MAP4K3: variants seen among roughly 807,000 people sequenced by gnomAD.
The protein encoded by MAP4K3 is mitogen-activated protein kinase kinase kinase kinase 3, also known as MAPK/ERK kinase kinase kinase 3.
A neutral mutation model predicts 143.5 loss-of-function variants in MAP4K3; 94 were observed. That is an observed-to-expected ratio of 0.65 (90% CI 0.55 to 0.78). The LOEUF (loss-of-function observed/expected upper bound fraction) is 0.78, where lower values mean the gene tolerates loss of function less well. MAP4K3 is among the 30% of genes least tolerant of loss of function. MAP4K3 has a pLI of 0.00. For synonymous variants in MAP4K3, 416 were observed against 347.2 expected (o/e 1.20, Z -2.20); for missense variants, 1,077 against 1,068.1 (o/e 1.01, Z -0.12).
At chr2:39,289,168 G>A (rs17023600) in intron 19 of MAP4K3, among the ~76,000 whole-genome samples, 6,034 of 152,278 alleles carry the variant, frequency 0.04, 142 homozygotes, top group South Asian at 0.054. Flanking sequence ...ACAGTTGGCT[G>A]ACGGTTTGTA....
intron 2 of MAP4K3, among the ~76,000 whole-genome samples, chr2:39,376,700 T>TGTC (rs1666227686): frequency 6.6e-6 from 1 of 152,198 alleles, no homozygotes; most frequent in Non-Finnish European, 1.5e-5. Context: ...TCATCTTAAT[T>TGTC]AGACCCAGGG....
chr2:39,319,521 A>ACCAAT (rs1213778098), intron 12 of MAP4K3, among the ~76,000 whole-genome samples: 3 of 152,124 alleles, frequency 2.0e-5, no homozygotes, highest in Non-Finnish European at 4.4e-5. Flanking sequence ...GAGTCCTGGA[A>ACCAAT]CCAATCCCCC....
chr2:39,391,325 C>T (rs1434717957), intron 1 of MAP4K3, among the ~76,000 whole-genome samples: 1 of 115,492 alleles, frequency 8.7e-6, no homozygotes, highest in Non-Finnish European at 1.6e-5. Context: ...TGCCACTGCA[C>T]TCTGGCCTGA....
Position 39,292,769 on chromosome 2 carries a change from T to G in MAP4K3, c.1271+4A>C. 6.2e-7 allele frequency: 1 copy of G among 1,612,454 alleles called. No individual in the cohort carries two copies. The highest frequency in any genetic ancestry group is 8.5e-7 in the Non-Finnish European group (1 of 1,178,666). On this transcript the variant is annotated splice_donor_region_variant and intron_variant, in intron 18 of 33. Transcript: ENST00000263881. ...TTTTTACCAAAAACAGAGACAGAAC[T>G]TACTGTTTAGATTCATCATCATCTC...
intron 15 of MAP4K3, among the ~76,000 whole-genome samples, chr2:39,305,305 CT>C (rs1181625969): frequency 6.6e-6 from 1 of 152,094 alleles, no homozygotes; most frequent in Non-Finnish European, 1.5e-5. Flanking sequence ...CCCAGTATTA[CT>C]TTAAAAATAT....
intron 1 of MAP4K3, among the ~76,000 whole-genome samples, chr2:39,386,131 A>C (rs2148590087): frequency 6.6e-6 from 1 of 152,338 alleles, no homozygotes. Context: ...GTTGGCCCTA[A>C]TCCAACAAGA....
intron 7 of MAP4K3, among the ~76,000 whole-genome samples, chr2:39,332,965 T>C (rs1181489275): frequency 6.6e-6 from 1 of 152,118 alleles, no homozygotes; most frequent in Non-Finnish European, 1.5e-5. Context: ...TATGACTTTG[T>C]TCATAAAACT....
intron 1 of MAP4K3, among the ~76,000 whole-genome samples, chr2:39,413,794 T>A (rs1667295987): frequency 1.3e-5 from 2 of 151,764 alleles, no homozygotes; most frequent in Non-Finnish European, 2.9e-5. Flanking sequence ...ACCTTGTAGG[T>A]GCTAAGAACC....
At chr2:39,271,602 AAAACACTG>A (rs760514404) in intron 26 of MAP4K3, among the ~76,000 whole-genome samples, 105 of 152,196 alleles carry the variant, frequency 6.9e-4, no homozygotes, top group Admixed American at 1.2e-3. Context: ...CTTCTAATGC[AAAACACTG>A]AGACACGGTC....
At chr2:39,307,856 C>G in intron 15 of MAP4K3, 87 bp downstream of exon 15, 3 of 1,023,768 alleles carry the variant, frequency 2.9e-6, no homozygotes, top group Non-Finnish European at 4.1e-6. Context: ...TAAAACAATG[C>G]TTTAATTGGA....
intron 27 of MAP4K3, 126 bp downstream of exon 27, chr2:39,267,063 G>A: frequency 2.4e-6 from 2 of 835,476 alleles, no homozygotes; most frequent in Non-Finnish European, 4.0e-6. Context: ...AAACAGCCAA[G>A]AAATTTGTTC....
chr2:39,286,586 AAAG>A (rs759828947), intron 21 of MAP4K3, among the ~76,000 whole-genome samples: 22 of 152,378 alleles, frequency 1.4e-4, no homozygotes, highest in African/African-American at 2.6e-4. Flanking sequence ...TTATCTGTAT[AAAG>A]AAGATGTTTT....
At chr2:39,252,805 G>A (rs1201099664) in intron 32 of MAP4K3, among the ~76,000 whole-genome samples, 1 of 152,154 alleles carries the variant, frequency 6.6e-6, no homozygotes, top group Non-Finnish European at 1.5e-5. Context: ...ATACCTGCAG[G>A]AAACAACATG....
At chr2:39,259,083 C>A (rs1256987740) in intron 29 of MAP4K3, among the ~76,000 whole-genome samples, 2 of 149,202 alleles carry the variant, frequency 1.3e-5, no homozygotes, top group South Asian at 2.1e-4. Flanking sequence ...GCCTTGAAAT[C>A]CTGGCCTCAA....
intron 1 of MAP4K3, among the ~76,000 whole-genome samples, chr2:39,389,051 A>C (rs1322739316): frequency 6.6e-6 from 1 of 152,250 alleles, no homozygotes; most frequent in African/African-American, 2.4e-5. Context: ...GTACGCTTTA[A>C]AAGTTTAAAG....
chr2:39,425,931 T>C (rs1318638981), intron 1 of MAP4K3, among the ~76,000 whole-genome samples: 2 of 152,218 alleles, frequency 1.3e-5, no homozygotes, highest in African/African-American at 2.4e-5. Context: ...TAGTAATAAT[T>C]CAAGTAGAAA....
intron 1 of MAP4K3, among the ~76,000 whole-genome samples, chr2:39,423,542 T>TA (rs1664958876): frequency 6.6e-6 from 1 of 152,196 alleles, no homozygotes; most frequent in Non-Finnish European, 1.5e-5. Context: ...GGTGAATGAA[T>TA]AAACTGTGGT....
intron 3 of MAP4K3, among the ~76,000 whole-genome samples, chr2:39,352,044 G>A (rs1431316526): frequency 2.0e-5 from 3 of 152,142 alleles, no homozygotes; most frequent in African/African-American, 7.2e-5. Context: ...ATTGTTTAAG[G>A]AGCATTTGTT....
chr2:39,272,767 A>G (rs746723186), intron 24 of MAP4K3, among the ~76,000 whole-genome samples: 2 of 152,204 alleles, frequency 1.3e-5, no homozygotes, highest in Non-Finnish European at 2.9e-5. Flanking sequence ...CCTAAACACG[A>G]TATGATCAGC....
Sources: gnomAD v4.1 joint callset for allele counts (sites outside exome capture counted in the v4.1 genomes callset) on GRCh38, gnomAD v4.1.1 for gene constraint, MANE v1.5 for transcripts, NCBI Gene and HGNC (gene_info 2026-07-23, HGNC 2026-07-21) for gene names.